PRR16: variants seen among roughly 807,000 people sequenced by gnomAD.
PRR16 encodes the protein protein Largen.
PRR16 carries 6 observed loss-of-function variants against 18.2 expected under a neutral mutation model. The observed-to-expected ratio is 0.33, with a 90% CI of 0.18 to 0.65. The LOEUF (loss-of-function observed/expected upper bound fraction) is 0.65, where lower values mean the gene tolerates loss of function less well. Among genes scored for constraint, PRR16 ranks in the 30% least tolerant of loss-of-function variants. The pLI is 0.74. For missense variants in PRR16, 412 were observed against 376.6 expected, an observed-to-expected ratio of 1.09 and a Z score of -0.78; for synonymous variants, 151 against 147.8, an observed-to-expected ratio of 1.02 and a Z score of -0.16.
At chr5:120,599,997 C>T (rs995241409) in intron 1 of PRR16, among the ~76,000 whole-genome samples, 3 of 151,788 alleles carry the variant, frequency 2.0e-5, no homozygotes, top group African/African-American at 4.8e-5. Flanking sequence ...AGTTTTAAGC[C>T]CTTTAAGTTT....
the PRR16 span, among the ~76,000 whole-genome samples, chr5:120,693,114 T>C: frequency 2.0e-5 from 3 of 152,200 alleles, no homozygotes; most frequent in Non-Finnish European, 4.4e-5. Context: ...ATGTAAATTA[T>C]GATATATGTA....
chr5:120,654,000 C>G (rs1755879756), intron 1 of PRR16, among the ~76,000 whole-genome samples: 2 of 151,984 alleles, frequency 1.3e-5, no homozygotes, highest in South Asian at 2.1e-4. Flanking sequence ...CAAAAGGTAG[C>G]TAGGCAAATG....
chr5:120,673,276 G>A (rs551032744), intron 1 of PRR16, among the ~76,000 whole-genome samples: 6 of 152,134 alleles, frequency 3.9e-5, no homozygotes, highest in Non-Finnish European at 8.8e-5. Flanking sequence ...ACAGCATTTC[G>A]GCATGTGCCA....
the PRR16 span, among the ~76,000 whole-genome samples, chr5:120,764,605 C>A: frequency 2.0e-5 from 3 of 151,732 alleles, no homozygotes; most frequent in African/African-American, 7.3e-5. Context: ...GGATAACATA[C>A]GATGAAGATT....
chr5:120,539,159 C>T (rs993118172), intron 1 of PRR16, among the ~76,000 whole-genome samples: 26 of 151,976 alleles, frequency 1.7e-4, no homozygotes, highest in African/African-American at 5.3e-4. Flanking sequence ...AGGAGGTTCT[C>T]ATGAATATTT....
chr5:120,646,433 G>A (rs1755605200), intron 1 of PRR16, among the ~76,000 whole-genome samples: 2 of 151,910 alleles, frequency 1.3e-5, no homozygotes, highest in African/African-American at 4.8e-5. Context: ...GAGTATTCTA[G>A]GTACAGGGAC....
chr5:120,659,931 G>A (rs889165207), intron 1 of PRR16, among the ~76,000 whole-genome samples: 3 of 151,998 alleles, frequency 2.0e-5, no homozygotes, highest in African/African-American at 7.2e-5. Flanking sequence ...TGAAGTACCT[G>A]AGATAATATG....
chr5:120,662,412 T>G (rs992073728), intron 1 of PRR16, among the ~76,000 whole-genome samples: 1 of 152,148 alleles, frequency 6.6e-6, no homozygotes, highest in Non-Finnish European at 1.5e-5. Context: ...TTTATTAGTT[T>G]GTCAGTAGTA....
At chr5:120,491,473 CCTTTCCTTT>C (rs1561514118) in intron 1 of PRR16, among the ~76,000 whole-genome samples, 9 of 47,300 alleles carry the variant, frequency 1.9e-4, no homozygotes, top group Admixed American at 9.7e-4. Flanking sequence ...CCTTTCCTTT[CCTTTCCTTT>C]CTTCCTTCCT....
intron 1 of PRR16, among the ~76,000 whole-genome samples, chr5:120,607,912 T>G (rs1754207802): frequency 6.6e-6 from 1 of 152,178 alleles, no homozygotes; most frequent in South Asian, 2.1e-4. Context: ...AATAAATCAA[T>G]AGTAGCAAAC....
chr5:120,770,963 C>G, the PRR16 span, among the ~76,000 whole-genome samples: 1 of 151,846 alleles, frequency 6.6e-6, no homozygotes, highest in African/African-American at 2.4e-5. Context: ...CACACACACA[C>G]ACACACACCT....
chr5:120,721,452 A>G, the PRR16 span, among the ~76,000 whole-genome samples: 1 of 151,988 alleles, frequency 6.6e-6, no homozygotes, highest in Non-Finnish European at 1.5e-5. Flanking sequence ...AAGTGAGGAG[A>G]TAGTATTTTC....
intron 1 of PRR16, among the ~76,000 whole-genome samples, chr5:120,664,232 G>T (rs1261036936): frequency 1.3e-5 from 2 of 152,016 alleles, no homozygotes; most frequent in African/African-American, 4.8e-5. Context: ...CTGGGAGGTG[G>T]AGGTTGCTAT....
At chr5:120,634,921 G>A (rs372256680) in intron 1 of PRR16, among the ~76,000 whole-genome samples, 61 of 152,068 alleles carry the variant, frequency 4.0e-4, no homozygotes, top group African/African-American at 1.4e-3. Context: ...AATTAGAAAT[G>A]AGAACAGGAG....
intron 1 of PRR16, among the ~76,000 whole-genome samples, chr5:120,521,814 C>T (rs1383124349): frequency 2.6e-5 from 4 of 152,130 alleles, no homozygotes; most frequent in Non-Finnish European, 5.9e-5. Context: ...AATGCTATCC[C>T]TCCCCCTTTC....
the PRR16 span, among the ~76,000 whole-genome samples, chr5:120,694,670 G>A: frequency 7.3e-5 from 10 of 136,626 alleles, no homozygotes; most frequent in African/African-American, 2.4e-4. Flanking sequence ...GGGCGACAGC[G>A]AGACTCCGTC....
intron 1 of PRR16, among the ~76,000 whole-genome samples, chr5:120,510,307 A>G (rs1206539271): frequency 6.6e-6 from 1 of 152,152 alleles, no homozygotes; most frequent in African/African-American, 2.4e-5. Flanking sequence ...CCAAATAATA[A>G]CATTCAACGT....
chr5:120,673,469 T>G (rs555684091), intron 1 of PRR16, among the ~76,000 whole-genome samples: 1 of 152,266 alleles, frequency 6.6e-6, no homozygotes, highest in Non-Finnish European at 1.5e-5. Flanking sequence ...GTTAAAATTT[T>G]TACATCATTT....
chr5:120,759,771 G>A, the PRR16 span, among the ~76,000 whole-genome samples: 10 of 152,160 alleles, frequency 6.6e-5, no homozygotes, highest in Non-Finnish European at 1.0e-4. Flanking sequence ...AAGTGGGTGT[G>A]TGTAAAAGGT....
Sources: gnomAD v4.1 joint callset for allele counts (sites outside exome capture counted in the v4.1 genomes callset) on GRCh38, gnomAD v4.1.1 for gene constraint, MANE v1.5 for transcripts, NCBI Gene and HGNC (gene_info 2026-07-23, HGNC 2026-07-21) for gene names.